ESF1: variants seen among roughly 807,000 people sequenced by gnomAD.
The protein encoded by ESF1 is ESF1 nucleolar pre-rRNA processing protein.
A neutral mutation model predicts 92.0 loss-of-function variants in ESF1; 58 were observed. The observed-to-expected ratio is 0.63, with a 90% CI of 0.51 to 0.78. The LOEUF (loss-of-function observed/expected upper bound fraction) is 0.78. ESF1 is among the 30% of genes least tolerant of loss of function. The pLI, the probability that ESF1 is intolerant of heterozygous loss-of-function variation, is 0.00. For missense variants in ESF1, 922 were observed against 989.1 expected (o/e 0.93, Z 0.91); for synonymous variants, 321 against 313.7 (o/e 1.02, Z -0.24).
chr20:13,717,076 C>T (rs1453508622), intron 13 of ESF1, among the ~76,000 whole-genome samples: 1 of 151,878 alleles, frequency 6.6e-6, no homozygotes, highest in African/African-American at 2.4e-5. Flanking sequence ...ATCAGCCTCC[C>T]AAAGTGCTGA....
intron 11 of ESF1, among the ~76,000 whole-genome samples, chr20:13,721,993 C>G (rs1051086902): frequency 8.5e-5 from 13 of 152,092 alleles, no homozygotes; most frequent in South Asian, 2.1e-4. Flanking sequence ...CTAAATTTAC[C>G]ACTGCTCCTA....
chr20:13,768,897 C>CAAAAA lies in ESF1; in HGVS notation c.1518+1005_1518+1009dup, dbSNP rs574502122. 6.5e-4 allele frequency among the ~76,000 whole-genome samples: 38 copies of CAAAAA among 58,426 alleles called. 3 individuals carry two copies. The highest frequency in any genetic ancestry group is 8.5e-4 in the Non-Finnish European group (26 of 30,526). 38.3% of individuals were successfully genotyped at this position (58,426 alleles called of 152,430 possible). A position where few individuals can be genotyped will look rare whatever the true frequency, so the allele number is the denominator to read the frequency against. On this transcript the variant is annotated intron_variant, in intron 7 of 13. Transcript: ENST00000617257. ...GGGCGACAGAGCAAGACTCTAGTCT[C>CAAAAA]AAAAAAAAAAAAAAAAGAAAGAAAG...
intron 9 of ESF1, among the ~76,000 whole-genome samples, chr20:13,734,184 A>G (rs2049962073): frequency 1.3e-5 from 2 of 152,208 alleles, no homozygotes; most frequent in Admixed American, 1.3e-4. Context: ...TTGAGATGCT[A>G]AGAAAACTTC....
intron 10 of ESF1, among the ~76,000 whole-genome samples, chr20:13,732,951 G>A (rs1043173052): frequency 1.3e-5 from 2 of 150,836 alleles, no homozygotes; most frequent in Admixed American, 1.3e-4. Flanking sequence ...TATTGAGACA[G>A]AGTCTTGCCC....
chr20:13,732,654 TGGAC>T, intron 10 of ESF1, among the ~76,000 whole-genome samples: 1 of 152,248 alleles, frequency 6.6e-6, no homozygotes, highest in East Asian at 1.9e-4. Context: ...AAAACAGGGC[TGGAC>T]TAGAATTAAT....
intron 7 of ESF1, among the ~76,000 whole-genome samples, chr20:13,768,669 G>T (rs996409958): frequency 5.3e-5 from 8 of 151,698 alleles, no homozygotes; most frequent in African/African-American, 1.9e-4. Context: ...GGCAGAGGGG[G>T]GCGGATCATC....
intron 10 of ESF1, among the ~76,000 whole-genome samples, chr20:13,729,481 AAGG>A (rs1162266320): frequency 6.6e-6 from 1 of 152,214 alleles, no homozygotes; most frequent in African/African-American, 2.4e-5. Context: ...CAGACATTTG[AAGG>A]AGAAGATCTG....
Position 13,771,314 on chromosome 20 carries a change from T to A in ESF1, c.1403+17A>T. 1 of 1,602,656 alleles carries A rather than the reference T, an allele frequency of 6.2e-7. No homozygotes were observed. The highest frequency in any genetic ancestry group is 1.1e-5 in the South Asian group (1 of 90,642). On this transcript the variant is annotated intron_variant, in intron 6 of 13. Transcript: ENST00000617257. Reference sequence around the variant, plus strand: ...TTGTACTAAAAGATTAAATTGGTAATACATACACTGGATTACCTTAGATCT... The same window carrying A: ...TTGTACTAAAAGATTAAATTGGTAAAACATACACTGGATTACCTTAGATCT...
chr20:13,715,635 T>TC (rs1418865936), intron 13 of ESF1, among the ~76,000 whole-genome samples: 3 of 152,192 alleles, frequency 2.0e-5, no homozygotes, highest in Admixed American at 1.3e-4. Context: ...CTATTGAAGG[T>TC]GATCCATGGA....
At chr20:13,777,246 G>A (rs1476067260) in intron 2 of ESF1, among the ~76,000 whole-genome samples, 2 of 152,204 alleles carry the variant, frequency 1.3e-5, no homozygotes, top group Non-Finnish European at 2.9e-5. Context: ...GTCAGGAAGT[G>A]AAACCAATAA....
At chr20:13,770,458 G>A (rs557895577) in intron 6 of ESF1, among the ~76,000 whole-genome samples, 1 of 152,124 alleles carries the variant, frequency 6.6e-6, no homozygotes, top group Non-Finnish European at 1.5e-5. Flanking sequence ...AGTCTCAACG[G>A]CCTGGGCTCA....
At position 13,769,896 on chromosome 20, in the gene ESF1, T is replaced by C; in HGVS notation, c.1518+11A>G. 2 of 1,554,652 alleles carry C rather than the reference T, an allele frequency of 1.3e-6. No individual in the cohort carries two copies. The highest frequency in any genetic ancestry group is 1.8e-6 in the Non-Finnish European group (2 of 1,128,298). On this transcript the variant is annotated intron_variant, in intron 7 of 13. Coordinates refer to ENST00000617257, the MANE Select transcript of ESF1 (RefSeq NM_001276380.2). ...GAGTCCAGCTACATATTTTTTAAAG[T>C]AAAGAAATACCGTTGATGTTCCCAT...
chr20:13,754,843 C>G (rs2147756299), intron 9 of ESF1, among the ~76,000 whole-genome samples: 1 of 152,312 alleles, frequency 6.6e-6, no homozygotes, highest in African/African-American at 2.4e-5. Flanking sequence ...TCATGTCTGG[C>G]CCCAAACTAC....
At chr20:13,757,580 TG>T (rs1461506169) in intron 9 of ESF1, among the ~76,000 whole-genome samples, 8 of 152,128 alleles carry the variant, frequency 5.3e-5, no homozygotes, top group Non-Finnish European at 1.2e-4. Context: ...TGTATTTTTT[TG>T]TAGAGATGGA....
At chr20:13,750,985 A>G (rs1374853061) in intron 9 of ESF1, among the ~76,000 whole-genome samples, 2 of 152,194 alleles carry the variant, frequency 1.3e-5, no homozygotes, top group African/African-American at 4.8e-5. Context: ...AGATAAATAA[A>G]TAAATAACAC....
At chr20:13,724,290 G>A (rs950558781) in intron 11 of ESF1, among the ~76,000 whole-genome samples, 3 of 151,968 alleles carry the variant, frequency 2.0e-5, no homozygotes, top group Admixed American at 6.5e-5. Context: ...GTGAGACTCC[G>A]TCTCAAAAAA....
Position 13,733,731 on chromosome 20 carries a change from C to T in ESF1, c.1940G>A (p.Arg647Lys), listed in dbSNP as rs572571433. Residue 647 changes from arginine (R) to lysine (K), a missense_variant, in exon 10 of 14, where the codon AGG becomes AAG. Coordinates refer to ENST00000617257, the MANE Select transcript of ESF1 (RefSeq NM_001276380.2). ...AATTATCAATGATACCTTCTGTTTC[C>T]TTTTCAGTCTTTTTTTCTCTTTCTT... The part of the protein sequence containing the change: ...EKKKEKKRLK[R>K]KQKALAEEAS... The T allele has an allele frequency of 7.4e-6, 12 of 1,611,686 alleles. No individual in the cohort carries two copies. In the African/African-American group the frequency reaches 1.1e-4, roughly 14 times the overall value.
intron 10 of ESF1, 26 bp from the exon 11 acceptor site, chr20:13,728,491 A>G: frequency 6.8e-7 from 1 of 1,469,234 alleles, no homozygotes; most frequent in Non-Finnish European, 9.3e-7. Flanking sequence ...TAAAAATACA[A>G]AATTTCATTA....
intron 2 of ESF1, 142 bp from the exon 3 acceptor site, chr20:13,776,412 T>C (rs1374357369): frequency 2.5e-6 from 2 of 797,804 alleles, no homozygotes; most frequent in East Asian, 2.8e-5. Context: ...AGTAAATGCT[T>C]AGTCAATTTT....
Sources: allele counts gnomAD v4.1 joint callset (sites outside exome capture counted in the v4.1 genomes callset), GRCh38; gene constraint gnomAD v4.1.1; transcripts MANE v1.5; gene names NCBI Gene and HGNC (gene_info 2026-07-23, HGNC 2026-07-21).